The following PCDHAC2 variants were observed in gnomAD, a reference collection of about 807,000 sequenced individuals.
PCDHAC2 encodes protocadherin alpha subfamily C, 2.
In PCDHAC2, 24 loss-of-function variants were observed where a neutral mutation model predicts 63.3. The ratio of observed to expected loss-of-function variants is 0.38; its 90% CI spans 0.27 to 0.53. The LOEUF is 0.53. PCDHAC2 is among the 20% of genes least tolerant of loss of function. PCDHAC2 has a pLI of 0.81. For missense variants in PCDHAC2, 1,181 were observed against 1,275.2 expected (o/e 0.93, Z 1.12); for synonymous variants, 569 against 529.4 (o/e 1.07, Z -1.03).
intron 3 of PCDHAC2, among the ~76,000 whole-genome samples, chr5:141,005,619 G>A (rs996010701): frequency 6.8e-5 from 10 of 146,082 alleles, no homozygotes; most frequent in South Asian, 2.2e-4. Flanking sequence ...GGAGAATGGC[G>A]TGAACCCGGG....
chr5:140,967,928 A>G lies in PCDHAC2; in HGVS notation c.1162A>G (p.Ser388Gly). 6.2e-7 allele frequency: 1 copy of G among 1,614,200 alleles called. No individual in the cohort carries two copies. Among genetic ancestry groups the G allele is most frequent in the South Asian group, 1.1e-5 (1 of 91,090 alleles). ...ACCCAACACCATTGTGGCCGTTCTC[A>G]GTGTCAATGACCAAGACTCAGGCCC... ...ATPNTIVAVL[S>G]VNDQDSGPNR... Residue 388 changes from serine to glycine, a missense_variant, in exon 1 of 4, where the codon AGT becomes GGT. Ser to Gly is a moderately conservative substitution (Grantham distance 56). This residue lies in a region of PCDHAC2 where 968 missense variants were observed against 1,073.5 expected (regional missense o/e 0.90). Coordinates refer to ENST00000289269, the MANE Select transcript of PCDHAC2 (RefSeq NM_018899.6).
At chr5:140,992,708 C>T (rs2097525816) in intron 3 of PCDHAC2, among the ~76,000 whole-genome samples, 1 of 152,100 alleles carries the variant, frequency 6.6e-6, no homozygotes, top group African/African-American at 2.4e-5. Context: ...ATGTTCCTGC[C>T]AGTATTCGTA....
chr5:140,984,682 A>G (rs2097114582), intron 3 of PCDHAC2, among the ~76,000 whole-genome samples: 2 of 152,136 alleles, frequency 1.3e-5, no homozygotes, highest in Non-Finnish European at 2.9e-5. Context: ...AGGACTCAAT[A>G]TATGTTCTGC....
chr5:140,994,460 T>C (rs1260062613), intron 3 of PCDHAC2, among the ~76,000 whole-genome samples: 1 of 152,124 alleles, frequency 6.6e-6, no homozygotes, highest in African/African-American at 2.4e-5. Context: ...CCCAGCACTT[T>C]GGGAGGCTGA....
chr5:140,995,893 A>G (rs1038677586), intron 3 of PCDHAC2, among the ~76,000 whole-genome samples: 3 of 152,182 alleles, frequency 2.0e-5, no homozygotes, highest in Non-Finnish European at 4.4e-5. Flanking sequence ...AGATTTATCA[A>G]TGTATAAAAG....
At chr5:140,975,847 C>T (rs895067113) in intron 1 of PCDHAC2, among the ~76,000 whole-genome samples, 1 of 152,100 alleles carries the variant, frequency 6.6e-6, no homozygotes, top group East Asian at 1.9e-4. Flanking sequence ...TTCAGTAATA[C>T]TACATCACCC....
intron 3 of PCDHAC2, among the ~76,000 whole-genome samples, chr5:141,002,620 A>G (rs553505520): frequency 6.8e-4 from 104 of 152,336 alleles, no homozygotes; most frequent in African/African-American, 2.4e-3. Flanking sequence ...CACATAACAC[A>G]GACAGAGATA....
intron 1 of PCDHAC2, 53 bp from the exon 2 acceptor site, chr5:140,978,895 TG>T: frequency 6.2e-7 from 1 of 1,612,992 alleles, no homozygotes; most frequent in Non-Finnish European, 8.5e-7. Context: ...GCAGCATTCC[TG>T]GGAGAACATT....
chr5:141,005,714 A>AAG (rs2098233543), intron 3 of PCDHAC2, among the ~76,000 whole-genome samples: 1 of 148,328 alleles, frequency 6.7e-6, no homozygotes, highest in Non-Finnish European at 1.5e-5. Flanking sequence ...AAAAAAAAAA[A>AAG]AAAAAAAAAA....
intron 3 of PCDHAC2, among the ~76,000 whole-genome samples, chr5:141,006,373 G>A (rs550999366): frequency 1.1e-4 from 17 of 151,910 alleles, no homozygotes; most frequent in African/African-American, 3.1e-4. Context: ...CACCACGCCC[G>A]GCTAAGTTTT....
In PCDHAC2 at chr5:140,986,391, G is replaced by A. The variant is rs144915625; in HGVS notation, c.2713+3828G>A. Among the ~76,000 whole-genome samples, 1,153 of 152,256 alleles carry A rather than the reference G, an allele frequency of 7.6e-3. 6 individuals are homozygous for A. Among genetic ancestry groups the A allele is most frequent in the Middle Eastern group, 0.014 (4 of 294 alleles). ...GTTTTGGGGGGAGGGACATTAAAGG[G>A]CCAGTCGCTCATGTTACAGCTCTTT... On this transcript the variant is annotated intron_variant, in intron 3 of 3. Transcript: ENST00000289269.
At position 140,967,438 on chromosome 5, in the gene PCDHAC2, C is replaced by T; in HGVS notation, c.672C>T (p.His224=). 6.2e-7 allele frequency: 1 copy of T among 1,613,548 alleles called. No homozygotes were observed. Among genetic ancestry groups the T allele is most frequent in the South Asian group, 1.1e-5 (1 of 91,022 alleles). Residue 224 remains histidine (H), a synonymous_variant, in exon 1 of 4, where the codon CAC becomes CAT. Coordinates refer to ENST00000289269, the MANE Select transcript of PCDHAC2 (RefSeq NM_018899.6). ...ACCGGGAGCAGGCAGCCTTGCACCACCTGGTTCTCACAGCCGTGGATGGGG... is the reference window on the plus strand; with the variant it reads ...ACCGGGAGCAGGCAGCCTTGCACCATCTGGTTCTCACAGCCGTGGATGGGG... ...GLDREQAALH[H]LVLTAVDGGI...
chr5:140,984,458 C>T (rs1363789281), intron 3 of PCDHAC2, among the ~76,000 whole-genome samples: 2 of 152,140 alleles, frequency 1.3e-5, no homozygotes, highest in African/African-American at 4.8e-5. Flanking sequence ...CTTACTGTCC[C>T]AGCCCCTCTT....
At chr5:140,993,521 G>C (rs1554253818) in intron 3 of PCDHAC2, among the ~76,000 whole-genome samples, 4 of 151,128 alleles carry the variant, frequency 2.6e-5, no homozygotes, top group Admixed American at 2.0e-4. Flanking sequence ...GGGAGAGAGA[G>C]ACAGAGAGAG....
At position 140,980,991 on chromosome 5, in the gene PCDHAC2, C is replaced by G. The variant is rs888673669; in HGVS notation, c.2625-1484C>G. Among the ~76,000 whole-genome samples the G allele has an allele frequency of 1.2e-4, 18 of 151,972 alleles. 1 individual carries two copies. Among genetic ancestry groups the G allele is most frequent in the Non-Finnish European group, 8.8e-5 (6 of 68,014 alleles). ...AATCTGACTGAGCCCACACAATTTG[C>G]TAGTAGGATCCAGGAACACTTGAAG... On this transcript the variant is annotated intron_variant, in intron 2 of 3. Transcript: ENST00000289269.
At chr5:140,989,105 T>G (rs550881823) in intron 3 of PCDHAC2, 2 of 152,232 alleles carry the variant, frequency 1.3e-5, no homozygotes, top group African/African-American at 4.8e-5. Flanking sequence ...GAAACAACTT[T>G]TGAATATATC....
chr5:140,969,140 T>G lies in PCDHAC2; in HGVS notation c.2374T>G (p.Cys792Gly). Residue 792 changes from cysteine (C) to glycine (G), a missense_variant, in exon 1 of 4, where the codon TGC becomes GGC. Transcript: ENST00000289269. Reference sequence around the variant, plus strand: ...GAATGGCTCCCTCACCAAGACCTACTGCTACAAGGCCTGTCTGACAGCAGG... The same window carrying G: ...GAATGGCTCCCTCACCAAGACCTACGGCTACAAGGCCTGTCTGACAGCAGG... ...RGNGSLTKTY[C>G]YKACLTAGSG... The G allele has an allele frequency of 6.2e-7, 1 of 1,613,980 alleles. No individual in the cohort carries two copies. The highest frequency in any genetic ancestry group is 8.5e-7 in the Non-Finnish European group (1 of 1,179,974).
rs1554229140 is a variant in PCDHAC2, at chr5:140,967,074, A to C, written c.308A>C (p.Glu103Ala). Reference protein sequence around the residue: ...DLTSGALFVNERIDREALCEQ... With the variant: ...DLTSGALFVNARIDREALCEQ... The stretch of plus-strand genomic sequence containing the variant: ...ACGAGTGGAGCGCTCTTCGTCAACG[A>C]GCGCATTGATCGGGAGGCGCTGTGT... The change falls in exon 1 of 4, where the codon GAG becomes GCG. Residue 103 changes from glutamate (E) to alanine (A), a missense_variant. This residue lies in a region of PCDHAC2 where 210 missense variants were observed against 184.9 expected (regional missense o/e 1.14). Transcript: ENST00000289269. 6.2e-7 allele frequency: 1 copy of C among 1,613,138 alleles called. No homozygotes were observed.
chr5:140,971,488 A>G (rs17119328), intron 1 of PCDHAC2, among the ~76,000 whole-genome samples: 1 of 152,104 alleles, frequency 6.6e-6, no homozygotes, highest in African/African-American at 2.4e-5. Flanking sequence ...ACATTGTTAC[A>G]GTGTGGCAAG....
Sources: gnomAD v4.1 joint callset for allele counts (sites outside exome capture counted in the v4.1 genomes callset) on GRCh38, gnomAD v4.1.1 for gene constraint, gnomAD v4.1.1 regional missense constraint, MANE v1.5 for transcripts, NCBI Gene and HGNC (gene_info 2026-07-23, HGNC 2026-07-21) for gene names.